Variants in SPTLC1 observed in about 807,000 individuals in gnomAD.
SPTLC1 encodes serine palmitoyltransferase 1.
Under a neutral mutation model 68.9 loss-of-function variants are expected in SPTLC1, and 55 were observed. The ratio of observed to expected loss-of-function variants is 0.80; its 90% confidence interval spans 0.64 to 1.00. The LOEUF is 1.00. SPTLC1 is among the 50% of genes least tolerant of loss of function. SPTLC1 has a pLI of 0.00. For synonymous variants in SPTLC1, 197 were observed against 201.6 expected, an observed-to-expected ratio of 0.98 and a Z score of 0.19; for missense variants, 449 against 573.1, an observed-to-expected ratio of 0.78 and a Z score of 2.21.
At chr9:92,098,208 C>G (rs995944704) in intron 3 of SPTLC1, among the ~76,000 whole-genome samples, 2 of 152,190 alleles carry the variant, frequency 1.3e-5, no homozygotes, top group Non-Finnish European at 2.9e-5. Context: ...CTCAGCATTT[C>G]CGGGTTCACC....
At chr9:92,079,616 G>A (rs1384453382) in intron 5 of SPTLC1, 2 of 1,492,396 alleles carry the variant, frequency 1.3e-6, no homozygotes, top group African/African-American at 2.8e-5. Flanking sequence ...TCCACCCCAG[G>A]CAATCTGCTC....
chr9:92,047,773 C>T, intron 9 of SPTLC1, 65 bp from the exon 10 acceptor site: 1 of 1,093,772 alleles, frequency 9.1e-7, no homozygotes, highest in Non-Finnish European at 1.4e-6. Flanking sequence ...AACTTCAAGC[C>T]TAGAGACAAA....
intron 3 of SPTLC1, among the ~76,000 whole-genome samples, chr9:92,092,435 G>C (rs1476754888): frequency 6.6e-6 from 1 of 152,102 alleles, no homozygotes; most frequent in African/African-American, 2.4e-5. Context: ...CACATTAGAA[G>C]TATAGCCTAC....
At chr9:92,113,254 T>C (rs190083261) in intron 1 of SPTLC1, among the ~76,000 whole-genome samples, 81 of 152,352 alleles carry the variant, frequency 5.3e-4, no homozygotes, top group African/African-American at 1.6e-3. Flanking sequence ...AAGAAGTTTA[T>C]GATGAATTTT....
At chr9:92,047,908 G>A (rs1203611469) in intron 9 of SPTLC1, among the ~76,000 whole-genome samples, 200 bp from the exon 10 acceptor site, 1 of 152,106 alleles carries the variant, frequency 6.6e-6, no homozygotes, top group Non-Finnish European at 1.5e-5. Context: ...ATCTGAAACT[G>A]TCTCATTTTA....
At chr9:92,059,129 T>C (rs1158633181) in intron 7 of SPTLC1, 50 bp downstream of exon 7, 1 of 1,597,176 alleles carries the variant, frequency 6.3e-7, no homozygotes, top group Non-Finnish European at 8.6e-7. Context: ...ATAATTTAGC[T>C]GGTTAGAAAG....
intron 6 of SPTLC1, among the ~76,000 whole-genome samples, chr9:92,065,532 A>C (rs982925792): frequency 3.9e-5 from 6 of 152,082 alleles, no homozygotes; most frequent in East Asian, 1.9e-4. Flanking sequence ...AAAAAAAAAA[A>C]CACAATGTAG....
chr9:92,067,607 G>T (rs558707752), intron 6 of SPTLC1, among the ~76,000 whole-genome samples: 49 of 152,300 alleles, frequency 3.2e-4, no homozygotes, highest in African/African-American at 1.2e-3. Context: ...ACCAGGTGAC[G>T]GGGTGAATGG....
intron 3 of SPTLC1, among the ~76,000 whole-genome samples, chr9:92,103,142 TTC>T (rs1297605668): frequency 2.0e-5 from 3 of 152,320 alleles, no homozygotes; most frequent in Admixed American, 6.5e-5. Flanking sequence ...ACTGGCAAAT[TTC>T]TTTTAGGACA....
intron 3 of SPTLC1, among the ~76,000 whole-genome samples, chr9:92,089,469 C>G (rs1360776547): frequency 6.6e-6 from 1 of 151,866 alleles, no homozygotes; most frequent in African/African-American, 2.4e-5. Context: ...ATATAACTTC[C>G]AGAAATAAAA....
At chr9:92,060,561 C>A (rs1209436539) in intron 6 of SPTLC1, among the ~76,000 whole-genome samples, 1 of 152,042 alleles carries the variant, frequency 6.6e-6, no homozygotes, top group Non-Finnish European at 1.5e-5. Flanking sequence ...ATGGGCTCAG[C>A]AGCAGAATGG....
In SPTLC1 at chr9:92,047,173, T is replaced by G; in HGVS notation, c.1080A>C (p.Pro360=). ...CCTTGGGTTTTTAAAGGGTTATACC[T>G]GGATTCTCTTCCATGATGTTGAGGG... ...IEALNIMEEN[P]GIFAVLKEKC... is the part of the protein sequence containing the mutation. The change falls in exon 11 of 15, where the codon CCA becomes CCC. Residue 360 remains proline, a splice_region_variant and synonymous_variant. Transcript: ENST00000262554. 6.2e-7 allele frequency: 1 copy of G among 1,612,718 alleles called. No homozygotes were observed. The highest frequency in any genetic ancestry group is 8.5e-7 in the Non-Finnish European group (1 of 1,178,656).
rs762476726 is a variant in SPTLC1 at position 92,080,968 on chromosome 9, G to C, written c.261-5C>G. On this transcript the variant is annotated splice_polypyrimidine_tract_variant and splice_region_variant and intron_variant, in intron 3 of 14. Coordinates refer to ENST00000262554, the MANE Select transcript of SPTLC1 (RefSeq NM_006415.4). ...ACAGTTTTGTGGCTTGGAGGGCTAG[G>C]GAAGAGATAGAGTGGTACATGTCAA... 7.5e-6 allele frequency: 12 copies of C among 1,607,554 alleles called. No individual in the cohort carries two copies. Among genetic ancestry groups the C allele is most frequent in the Middle Eastern group, 1.6e-4 (1 of 6,076 alleles).
chr9:92,039,613 A>G (rs986347608), intron 12 of SPTLC1, among the ~76,000 whole-genome samples: 8 of 152,214 alleles, frequency 5.3e-5, no homozygotes, highest in African/African-American at 1.9e-4. Flanking sequence ...AAACTGAGCT[A>G]AACATTTTAG....
At chr9:92,051,028 T>C in intron 8 of SPTLC1, 2 of 985,306 alleles carry the variant, frequency 2.0e-6, no homozygotes, top group Non-Finnish European at 2.4e-6. Context: ...TTTAGTTTCG[T>C]ATCTGTCCAT....
At chr9:92,074,677 C>A (rs1040722979) in intron 5 of SPTLC1, among the ~76,000 whole-genome samples, 1 of 152,030 alleles carries the variant, frequency 6.6e-6, no homozygotes, top group Non-Finnish European at 1.5e-5. Context: ...GCCTCTTAGT[C>A]CCTACCAACT....
intron 3 of SPTLC1, among the ~76,000 whole-genome samples, chr9:92,081,602 T>C (rs1253418581): frequency 6.6e-6 from 1 of 152,170 alleles, no homozygotes; most frequent in East Asian, 1.9e-4. Flanking sequence ...CCTCTGCTGA[T>C]CTATATTCGA....
chr9:92,048,650 C>T (rs74910712), intron 9 of SPTLC1, among the ~76,000 whole-genome samples: 2,050 of 152,266 alleles, frequency 0.013, 53 homozygotes, highest in African/African-American at 0.046. Flanking sequence ...GGGGTTTCAT[C>T]TATAAACATT....
chr9:92,109,953 A>G (rs909035832), intron 2 of SPTLC1: 1 of 152,310 alleles, frequency 6.6e-6, no homozygotes, highest in African/African-American at 2.4e-5. Context: ...AGCCTGGGCA[A>G]CAAGAGCGAA....
Sources: allele counts gnomAD v4.1 joint callset (sites outside exome capture counted in the v4.1 genomes callset), GRCh38; gene constraint gnomAD v4.1.1; transcripts MANE v1.5; gene names NCBI Gene and HGNC (gene_info 2026-07-23, HGNC 2026-07-21).